Variants in CTNNA2 observed in about 807,000 individuals in gnomAD.
CTNNA2 encodes the protein catenin alpha-2.
Under a neutral mutation model 101.0 loss-of-function variants are expected in CTNNA2, and 42 were observed. The observed-to-expected ratio is 0.42, with a 90% CI of 0.32 to 0.54. CTNNA2 has a LOEUF of 0.54. CTNNA2 is among the 20% of genes least tolerant of loss of function. The pLI is 0.14. For synonymous variants in CTNNA2, 450 were observed against 456.4 expected (o/e 0.99, Z 0.18); for missense variants, 871 against 1,223.1 (o/e 0.71, Z 4.29).
chr2:79,763,050 A>G (rs957960506), intron 3 of CTNNA2, among the ~76,000 whole-genome samples: 11 of 152,190 alleles, frequency 7.2e-5, no homozygotes, highest in African/African-American at 2.2e-4. Flanking sequence ...CTGGTTTTAT[A>G]TCTTTCAGAT....
intron 7 of CTNNA2, among the ~76,000 whole-genome samples, chr2:80,204,213 A>G (rs902273306): frequency 6.6e-6 from 1 of 152,254 alleles, no homozygotes; most frequent in Non-Finnish European, 1.5e-5. Context: ...AGTGATTAAC[A>G]TTTGGCTCCT....
At chr2:79,712,645 G>T (rs1364113460) in intron 2 of CTNNA2, among the ~76,000 whole-genome samples, 1 of 152,036 alleles carries the variant, frequency 6.6e-6, no homozygotes, top group African/African-American at 2.4e-5. Context: ...GTGAAGAATG[G>T]CAGAAATCAG....
intron 1 of CTNNA2, among the ~76,000 whole-genome samples, chr2:79,611,610 G>C (rs1433283801): frequency 6.6e-6 from 1 of 151,974 alleles, no homozygotes; most frequent in Non-Finnish European, 1.5e-5. Flanking sequence ...CTGTGCAGAG[G>C]AATGTTTAAG....
At chr2:80,064,308 G>A (rs1038769546) in intron 7 of CTNNA2, among the ~76,000 whole-genome samples, 8 of 152,222 alleles carry the variant, frequency 5.3e-5, no homozygotes, top group African/African-American at 1.9e-4. Context: ...TCTCTGAGGA[G>A]TATCTCGGGA....
intron 7 of CTNNA2, among the ~76,000 whole-genome samples, chr2:80,281,670 A>G (rs747563004): frequency 2.6e-5 from 4 of 152,032 alleles, no homozygotes; most frequent in Non-Finnish European, 5.9e-5. Context: ...AATTCATGCA[A>G]CTTCAGAAGA....
intron 3 of CTNNA2, among the ~76,000 whole-genome samples, chr2:79,360,839 G>GTACTTTTTGGGAAGTAAAT (rs1677611762): frequency 6.6e-6 from 1 of 152,150 alleles, no homozygotes; most frequent in Admixed American, 6.6e-5. Flanking sequence ...TCAGTAAAAT[G>GTACTTTTTGGGAAGTAAAT]CACATGTACT....
intron 7 of CTNNA2, among the ~76,000 whole-genome samples, chr2:80,368,265 C>A (rs1675116507): frequency 6.6e-6 from 1 of 152,082 alleles, no homozygotes; most frequent in South Asian, 2.1e-4. Context: ...TTATGGGTTG[C>A]ACTGAGGATT....
At chr2:79,732,036 C>T (rs1687231757) in intron 2 of CTNNA2, among the ~76,000 whole-genome samples, 2 of 152,026 alleles carry the variant, frequency 1.3e-5, no homozygotes, top group East Asian at 1.9e-4. Context: ...ACTATATCTA[C>T]CTGTTTTTGT....
chr2:80,088,921 G>A (rs939979513), intron 7 of CTNNA2, among the ~76,000 whole-genome samples: 7 of 152,022 alleles, frequency 4.6e-5, no homozygotes, highest in Non-Finnish European at 8.8e-5. Context: ...TGCATATGAC[G>A]TTCCTACTCC....
intron 3 of CTNNA2, among the ~76,000 whole-genome samples, chr2:79,855,618 T>A (rs1340083411): frequency 1.3e-5 from 2 of 152,182 alleles, no homozygotes; most frequent in Admixed American, 6.5e-5. Flanking sequence ...GACTGCCCTC[T>A]CCTCCTGGGG....
At chr2:79,943,691 A>G (rs1688306972) in intron 7 of CTNNA2, among the ~76,000 whole-genome samples, 1 of 152,236 alleles carries the variant, frequency 6.6e-6, no homozygotes, top group Admixed American at 6.5e-5. Flanking sequence ...AGAGAGGTGT[A>G]GTATTTTTAC....
intron 7 of CTNNA2, among the ~76,000 whole-genome samples, chr2:79,999,623 C>A (rs6710107): frequency 0.029 from 4,483 of 152,238 alleles, 202 homozygotes; most frequent in African/African-American, 0.099. Context: ...CAAACCTGTG[C>A]AGGGGGCATT....
intron 9 of CTNNA2, among the ~76,000 whole-genome samples, chr2:80,426,492 T>A (rs531744282): frequency 6.6e-6 from 1 of 152,328 alleles, no homozygotes; most frequent in South Asian, 2.1e-4. Flanking sequence ...CATTCTATTG[T>A]GCAGGCAACT....
At chr2:80,470,963 G>C (rs1333200006) in intron 9 of CTNNA2, among the ~76,000 whole-genome samples, 1 of 152,188 alleles carries the variant, frequency 6.6e-6, no homozygotes, top group Non-Finnish European at 1.5e-5. Flanking sequence ...TGCAAGACTG[G>C]AGTGGAGGGG....
chr2:79,222,064 C>A, intron 2 of CTNNA2, among the ~76,000 whole-genome samples: 1 of 152,124 alleles, frequency 6.6e-6, no homozygotes, highest in Admixed American at 6.5e-5. Flanking sequence ...GTGCCCCATT[C>A]CAGGAGAGAG....
chr2:79,967,097 CGTGCACACACGCGCACGCACGTGTGTGT>C (rs1371549949), intron 7 of CTNNA2, among the ~76,000 whole-genome samples: 2 of 129,118 alleles, frequency 1.5e-5, no homozygotes, highest in Non-Finnish European at 3.2e-5. Context: ...CAAGCCTATG[CGTGCACACACGCGCACGCACGTGTGTGT>C]GTGTGTGTGT....
intron 4 of CTNNA2, among the ~76,000 whole-genome samples, chr2:79,436,399 T>A (rs1678714899): frequency 6.6e-6 from 1 of 152,140 alleles, no homozygotes; most frequent in Non-Finnish European, 1.5e-5. Flanking sequence ...TTGGCTGACT[T>A]CGCTTGGCTA....
chr2:80,320,528 C>G (rs1442621988), intron 7 of CTNNA2, among the ~76,000 whole-genome samples: 1 of 152,150 alleles, frequency 6.6e-6, no homozygotes, highest in East Asian at 1.9e-4. Context: ...TTTGAATTCA[C>G]CCCCCGATGA....
intron 1 of CTNNA2, among the ~76,000 whole-genome samples, chr2:79,646,967 G>A (rs935804501): frequency 4.6e-5 from 7 of 152,256 alleles, no homozygotes; most frequent in African/African-American, 1.7e-4. Context: ...CTCTTTGACT[G>A]TATCCAGTCT....
Sources: allele counts gnomAD v4.1 joint callset (sites outside exome capture counted in the v4.1 genomes callset), GRCh38; gene constraint gnomAD v4.1.1; transcripts MANE v1.5; gene names NCBI Gene and HGNC (gene_info 2026-07-23, HGNC 2026-07-21).